CADM2: variants seen among roughly 807,000 people sequenced by gnomAD.
CADM2 encodes the protein immunoglobulin superfamily member 4D.
A neutral mutation model predicts 49.8 loss-of-function variants in CADM2; 12 were observed. The ratio of observed to expected loss-of-function variants is 0.24; its 90% confidence interval spans 0.15 to 0.39. The LOEUF (loss-of-function observed/expected upper bound fraction) is 0.39, where lower values mean the gene tolerates loss of function less well. Ranked by LOEUF, CADM2 falls within the 10% of genes least tolerant of loss-of-function variation. The probability of loss-of-function intolerance (pLI) is 1.00; values close to 1 mark genes in which losing one functional copy is unlikely to be tolerated. For synonymous variants in CADM2, 214 were observed against 175.4 expected (o/e 1.22, Z -1.74); for missense variants, 378 against 492.3 (o/e 0.77, Z 2.20).
At chr3:85,893,676 A>C (rs1405928217) in intron 5 of CADM2, among the ~76,000 whole-genome samples, 1 of 152,226 alleles carries the variant, frequency 6.6e-6, no homozygotes, top group Non-Finnish European at 1.5e-5. Flanking sequence ...CCCATCAAAA[A>C]GTGGGTGAAG....
intron 1 of CADM2, among the ~76,000 whole-genome samples, chr3:85,510,508 A>G (rs1439201399): frequency 6.6e-6 from 1 of 152,084 alleles, no homozygotes; most frequent in African/African-American, 2.4e-5. Context: ...TTGATGTGAC[A>G]TTGCAGTTTA....
chr3:85,981,715 T>C (rs940704772), intron 8 of CADM2, among the ~76,000 whole-genome samples: 2 of 151,650 alleles, frequency 1.3e-5, no homozygotes, highest in African/African-American at 4.8e-5. Flanking sequence ...GCGTAGTATT[T>C]CTAATGCATA....
At chr3:85,935,926 A>T in intron 7 of CADM2, 69 bp downstream of exon 7, 2 of 838,404 alleles carry the variant, frequency 2.4e-6, no homozygotes, top group Non-Finnish European at 3.8e-6. Context: ...TACAGCCTTT[A>T]ACTGTAGAAA....
At chr3:85,824,784 A>T (rs2073811465) in intron 3 of CADM2, among the ~76,000 whole-genome samples, 1 of 152,116 alleles carries the variant, frequency 6.6e-6, no homozygotes, top group South Asian at 2.1e-4. Flanking sequence ...GGTACTTCAT[A>T]TGAGAAGCAG....
intron 7 of CADM2, among the ~76,000 whole-genome samples, chr3:85,945,189 A>G (rs896648744): frequency 6.6e-6 from 1 of 152,182 alleles, no homozygotes; most frequent in Admixed American, 6.6e-5. Context: ...AGAAATGGAT[A>G]AATTCCTCGA....
At chr3:84,975,660 T>C (rs956318443) in intron 1 of CADM2, among the ~76,000 whole-genome samples, 2 of 151,818 alleles carry the variant, frequency 1.3e-5, no homozygotes, top group African/African-American at 4.8e-5. Context: ...CATAAAAACT[T>C]TAAGTTTTAC....
chr3:86,028,020 G>A (rs1481986544), intron 8 of CADM2: 11 of 133,724 alleles, frequency 8.2e-5, no homozygotes, highest in African/African-American at 2.8e-5. Context: ...ATGGACACAG[G>A]AAGGGGAACA....
chr3:85,552,366 G>GTGTTTTTTTTTTTTTTTTTT (rs2061828186), intron 1 of CADM2, among the ~76,000 whole-genome samples: 1 of 87,588 alleles, frequency 1.1e-5, no homozygotes, highest in African/African-American at 4.6e-5. Context: ...ACTTTGAAAA[G>GTGTTTTTTTTTTTTTTTTTT]TTTTTTTTTT....
intron 1 of CADM2, among the ~76,000 whole-genome samples, chr3:85,196,712 T>C (rs978465426): frequency 4.6e-5 from 7 of 151,894 alleles, no homozygotes; most frequent in African/African-American, 1.7e-4. Flanking sequence ...TTAGAAGAAA[T>C]TGCATCTGGG....
At chr3:85,530,519 C>T (rs1163164620) in intron 1 of CADM2, among the ~76,000 whole-genome samples, 2 of 151,774 alleles carry the variant, frequency 1.3e-5, no homozygotes, top group Non-Finnish European at 2.9e-5. Flanking sequence ...TCAGTAGAGA[C>T]GGGGTTTCAC....
chr3:85,964,733 G>A (rs999850103), intron 8 of CADM2, among the ~76,000 whole-genome samples: 6 of 151,678 alleles, frequency 4.0e-5, no homozygotes, highest in South Asian at 2.1e-4. Flanking sequence ...CACTGTGAAG[G>A]TTCCATTAAG....
intron 1 of CADM2, among the ~76,000 whole-genome samples, chr3:85,221,084 A>G (rs1489721224): frequency 2.0e-5 from 3 of 152,164 alleles, no homozygotes; most frequent in Non-Finnish European, 2.9e-5. Flanking sequence ...CTATTGTCTC[A>G]TGTAATTTTG....
At chr3:85,601,122 A>ATGTG (rs1170791578) in intron 1 of CADM2, among the ~76,000 whole-genome samples, 5 of 26,960 alleles carry the variant, frequency 1.9e-4, no homozygotes, top group African/African-American at 4.2e-4. Context: ...GTGCATTTAT[A>ATGTG]TATGTGTGTA....
At chr3:85,360,506 T>C (rs185077051) in intron 1 of CADM2, among the ~76,000 whole-genome samples, 38 of 152,358 alleles carry the variant, frequency 2.5e-4, no homozygotes, top group Admixed American at 2.2e-3. Flanking sequence ...TTACAACTTC[T>C]ATAACATATG....
intron 1 of CADM2, among the ~76,000 whole-genome samples, chr3:85,379,762 T>G (rs1372931429): frequency 1.3e-5 from 2 of 152,160 alleles, no homozygotes; most frequent in East Asian, 3.9e-4. Context: ...AAAATACATT[T>G]TATTCAAGTT....
chr3:85,584,808 A>G (rs2062891236), intron 1 of CADM2, among the ~76,000 whole-genome samples: 1 of 152,070 alleles, frequency 6.6e-6, no homozygotes, highest in Non-Finnish European at 1.5e-5. Context: ...TTACCTCAAG[A>G]ACCTGTCATT....
chr3:85,515,088 A>G (rs368525247), intron 1 of CADM2, among the ~76,000 whole-genome samples: 4 of 152,094 alleles, frequency 2.6e-5, no homozygotes, highest in African/African-American at 9.7e-5. Context: ...GCTGTTTTAT[A>G]CCCTCTCACT....
intron 1 of CADM2, among the ~76,000 whole-genome samples, chr3:85,017,243 T>TA (rs1233191929): frequency 2.6e-5 from 4 of 152,182 alleles, no homozygotes; most frequent in Non-Finnish European, 5.9e-5. Context: ...TTCCTATAAT[T>TA]ACGCCACTCT....
chr3:85,038,520 G>A (rs550092233), intron 1 of CADM2, among the ~76,000 whole-genome samples: 4 of 152,278 alleles, frequency 2.6e-5, no homozygotes, highest in Non-Finnish European at 4.4e-5. Context: ...TAGATCTGAT[G>A]TGTGACCTAG....
Sources: allele counts gnomAD v4.1 joint callset (sites outside exome capture counted in the v4.1 genomes callset), GRCh38; gene constraint gnomAD v4.1.1; transcripts MANE v1.5; gene names NCBI Gene and HGNC (gene_info 2026-07-23, HGNC 2026-07-21).